GLI2: variants seen among roughly 807,000 people sequenced by gnomAD.
The protein encoded by GLI2 is transcription activator GLI2.
Under a neutral mutation model 78.9 loss-of-function variants are expected in GLI2, and 22 were observed. The ratio of observed to expected loss-of-function variants is 0.28; its 90% CI spans 0.20 to 0.40. The LOEUF is 0.40. GLI2 is among the 10% of genes least tolerant of loss of function. GLI2 has a pLI of 1.00. For missense variants in GLI2, 2,097 were observed against 2,213.2 expected (o/e 0.95, Z 1.05); for synonymous variants, 974 against 963.7 (o/e 1.01, Z -0.20).
chr2:120,764,231 G>A (rs537100857), intron 1 of GLI2, among the ~76,000 whole-genome samples: 4 of 152,356 alleles, frequency 2.6e-5, no homozygotes, highest in South Asian at 4.1e-4. Flanking sequence ...TGGCGCAGCC[G>A]GAGGCTGCAG....
At chr2:120,898,247 T>A (rs1186790909) in intron 2 of GLI2, among the ~76,000 whole-genome samples, 1 of 150,372 alleles carries the variant, frequency 6.7e-6, no homozygotes, top group Non-Finnish European at 1.5e-5. Context: ...ATCATTCCAG[T>A]CCTGTGAGTT....
intron 2 of GLI2, among the ~76,000 whole-genome samples, chr2:120,844,804 G>T (rs181612049): frequency 3.9e-5 from 6 of 152,306 alleles, no homozygotes; most frequent in Admixed American, 3.9e-4. Context: ...TCAGGAGCCA[G>T]TTGGGTAGGG....
At chr2:120,978,162 C>A (rs1007589011) in intron 9 of GLI2, among the ~76,000 whole-genome samples, 2 of 152,280 alleles carry the variant, frequency 1.3e-5, no homozygotes, top group East Asian at 1.9e-4. Context: ...CGCAGTAGGC[C>A]TTCATTTAAG....
rs1473583413 is a variant in GLI2 at position 120,991,903 on chromosome 2, G to A, written c.*1228G>A. On this transcript the variant is annotated 3_prime_UTR_variant, in exon 14 of 14. Transcript: ENST00000361492. Reference sequence around the variant, plus strand: ...TGAGGGAGCATCGTTGAATTTTCCTGTTCAGTGTGACCAAGACCCACCTGG... The same window carrying A: ...TGAGGGAGCATCGTTGAATTTTCCTATTCAGTGTGACCAAGACCCACCTGG... The A allele has an allele frequency of 6.6e-6, 1 of 152,130 alleles. No homozygotes were observed. Among genetic ancestry groups the A allele is most frequent in the Non-Finnish European group, 1.5e-5 (1 of 68,086 alleles). 9.4% of individuals were successfully genotyped at this position (152,130 alleles called of 1,614,324 possible).
At position 120,988,956 on chromosome 2, in the gene GLI2, C is replaced by G; in HGVS notation, c.2991C>G (p.Ser997Arg). ...RRGLRLQSHPSTDGGLARGAY... is the reference protein window; with the variant it reads ...RRGLRLQSHPRTDGGLARGAY... Reference sequence around the variant, plus strand: ...GCCTCCGCCTGCAGAGCCACCCGAGCACCGACGGCGGCCTGGCCCGCGGCG... The same window carrying G: ...GCCTCCGCCTGCAGAGCCACCCGAGGACCGACGGCGGCCTGGCCCGCGGCG... The change falls in exon 14 of 14, where the codon AGC (serine) becomes AGG (arginine). Residue 997 changes from serine to arginine, a missense_variant. Physicochemically the swap from Ser to Arg is moderately radical, Grantham distance 110. Transcript: ENST00000361492. 1 of 1,540,926 alleles carries G rather than the reference C, an allele frequency of 6.5e-7. No homozygotes were observed. The highest frequency in any genetic ancestry group is 8.7e-7 in the Non-Finnish European group (1 of 1,148,648).
rs182068021 is a variant in GLI2, at chr2:120,991,462, A to C, written c.*787A>C. On this transcript the variant is annotated 3_prime_UTR_variant, in exon 14 of 14. Transcript: ENST00000361492. ...TCCAGACCGTGTTTACAGTGTTTGC[A>C]TGTAGAATGTAGCCCTTCCTGAAAA... 6.5e-6 allele frequency: 1 copy of C among 152,674 alleles called. No individual in the cohort carries two copies. The highest frequency in any genetic ancestry group is 1.5e-5 in the Non-Finnish European group (1 of 68,062). The allele number at this position is 152,674 out of a possible 1,614,324, so 9.5% of individuals were successfully genotyped here. A position where few individuals can be genotyped will look rare whatever the true frequency, so the allele number is the denominator to read the frequency against.
intron 1 of GLI2, among the ~76,000 whole-genome samples, chr2:120,759,616 T>C (rs992295723): frequency 6.6e-6 from 1 of 152,210 alleles, no homozygotes; most frequent in African/African-American, 2.4e-5. Context: ...AGGAACCATG[T>C]GCTCAGCTAT....
chr2:120,989,838 C>T lies in GLI2; in HGVS notation c.3873C>T (p.Ala1291=). 6.2e-7 allele frequency: 1 copy of T among 1,612,534 alleles called. No homozygotes were observed. The highest frequency in any genetic ancestry group is 8.5e-7 in the Non-Finnish European group (1 of 1,179,580). ...RHRELGVPDS[A]LAGVPPPHPV... Reference sequence around the variant, plus strand: ...GGGAACTTGGGGTCCCCGATTCAGCCCTGGCTGGAGTGCCACCACCTCACC... The same window carrying T: ...GGGAACTTGGGGTCCCCGATTCAGCTCTGGCTGGAGTGCCACCACCTCACC... Residue 1291 remains alanine, a synonymous_variant, in exon 14 of 14, where the codon GCC becomes GCT. Transcript: ENST00000361492.
At chr2:120,746,123 A>G (rs191341708) in intron 1 of GLI2, among the ~76,000 whole-genome samples, 1 of 152,296 alleles carries the variant, frequency 6.6e-6, no homozygotes, top group East Asian at 1.9e-4. Flanking sequence ...CTTCAGTGCC[A>G]TCTCTCTCCG....
intron 2 of GLI2, among the ~76,000 whole-genome samples, chr2:120,922,765 G>A (rs1215760400): frequency 6.6e-6 from 1 of 152,128 alleles, no homozygotes; most frequent in Non-Finnish European, 1.5e-5. Context: ...CTCCTCCTGG[G>A]GATTCCAGGG....
At chr2:120,870,351 A>G (rs1454859645) in intron 2 of GLI2, among the ~76,000 whole-genome samples, 9 of 152,214 alleles carry the variant, frequency 5.9e-5, no homozygotes, top group Admixed American at 5.9e-4. Context: ...GCTGTAGATT[A>G]CTTGCATCAT....
intron 1 of GLI2, among the ~76,000 whole-genome samples, chr2:120,792,723 A>G (rs1472244934): frequency 6.6e-6 from 1 of 152,140 alleles, no homozygotes. Flanking sequence ...CCCAGGTCCA[A>G]GCGATTCCCC....
intron 1 of GLI2, among the ~76,000 whole-genome samples, chr2:120,755,764 G>A (rs2104638448): frequency 6.6e-6 from 1 of 151,922 alleles, no homozygotes; most frequent in Non-Finnish European, 1.5e-5. Flanking sequence ...GCTAATATTT[G>A]TATATAATAC....
At chr2:120,975,809 G>A (rs1051156008) in intron 9 of GLI2, among the ~76,000 whole-genome samples, 3 of 152,148 alleles carry the variant, frequency 2.0e-5, no homozygotes, top group South Asian at 2.1e-4. Flanking sequence ...GGCTTGGCAC[G>A]GGAGACACCT....
intron 2 of GLI2, among the ~76,000 whole-genome samples, chr2:120,808,432 C>T (rs1685064058): frequency 6.6e-6 from 1 of 152,220 alleles, no homozygotes; most frequent in African/African-American, 2.4e-5. Context: ...CCTGGATCAG[C>T]TGGAGAGGGC....
intron 1 of GLI2, among the ~76,000 whole-genome samples, chr2:120,762,591 A>T (rs923901542): frequency 1.3e-5 from 2 of 152,156 alleles, no homozygotes; most frequent in Non-Finnish European, 2.9e-5. Flanking sequence ...CATCTGCAAC[A>T]GACTCAGCCG....
intron 2 of GLI2, among the ~76,000 whole-genome samples, chr2:120,884,045 C>T (rs933453067): frequency 2.0e-5 from 3 of 152,222 alleles, no homozygotes; most frequent in Admixed American, 6.5e-5. Flanking sequence ...GAAGTTAGGG[C>T]AGCCCCAGCC....
chr2:120,831,089 T>TTC (rs1558821707), intron 2 of GLI2, among the ~76,000 whole-genome samples: 1 of 151,496 alleles, frequency 6.6e-6, no homozygotes, highest in Admixed American at 6.6e-5. Flanking sequence ...GTTTCTGTCA[T>TTC]TCTCTCTCTC....
At chr2:120,763,307 C>T (rs975423805) in intron 1 of GLI2, among the ~76,000 whole-genome samples, 6 of 152,154 alleles carry the variant, frequency 3.9e-5, no homozygotes, top group Non-Finnish European at 4.4e-5. Context: ...GCTGAATAAA[C>T]GATTGAATGA....
Sources: allele counts gnomAD v4.1 joint callset (sites outside exome capture counted in the v4.1 genomes callset), GRCh38; gene constraint gnomAD v4.1.1; transcripts MANE v1.5; gene names NCBI Gene and HGNC (gene_info 2026-07-23, HGNC 2026-07-21).